Variants in BIRC3 observed in about 807,000 individuals in gnomAD.
The protein encoded by BIRC3 is baculoviral IAP repeat containing 3.
Under a neutral mutation model 59.0 loss-of-function variants are expected in BIRC3, and 26 were observed. The ratio of observed to expected loss-of-function variants is 0.44; its 90% CI spans 0.32 to 0.61. The LOEUF (loss-of-function observed/expected upper bound fraction) is 0.61, where lower values mean the gene tolerates loss of function less well. BIRC3 is among the 20% of genes least tolerant of loss of function. The pLI is 0.04. For synonymous variants in BIRC3, 243 were observed against 249.2 expected, an observed-to-expected ratio of 0.98 and a Z score of 0.24; for missense variants, 641 against 711.5, an observed-to-expected ratio of 0.90 and a Z score of 1.13.
In BIRC3 at chr11:102,337,785, C is replaced by G. The variant is rs1412696139; in HGVS notation, c.*683C>G. The G allele has an allele frequency of 1.3e-5, 3 of 236,002 alleles. No homozygotes were observed. In the East Asian group the frequency reaches 1.8e-4, roughly 14 times the overall value. The allele number at this position is 236,002 out of a possible 1,614,324, so 14.6% of individuals were successfully genotyped here. ...ATTGGATAGTTTAGTCACTCCCAGA[C>G]TCTTTCCATACCTTCTTAAAGCCTC... On this transcript the variant is annotated 3_prime_UTR_variant, in exon 9 of 9. Coordinates refer to ENST00000263464, the MANE Select transcript of BIRC3 (RefSeq NM_001165.5).
chr11:102,336,625 T>C (rs1417250022), intron 7 of BIRC3, 135 bp from the exon 8 acceptor site: 3 of 834,648 alleles, frequency 3.6e-6, no homozygotes, highest in Non-Finnish European at 5.6e-6. Context: ...ATTAGTTACA[T>C]AAAAAGATTA....
At chr11:102,335,377 A>T (rs553351217) in intron 6 of BIRC3, among the ~76,000 whole-genome samples, 34 of 152,208 alleles carry the variant, frequency 2.2e-4, no homozygotes, top group South Asian at 8.3e-4. Context: ...AATGGGTTCT[A>T]AGTTCCATTT....
chr11:102,318,485 C>T (rs942650452), intron 1 of BIRC3, among the ~76,000 whole-genome samples: 1 of 152,292 alleles, frequency 6.6e-6, no homozygotes, highest in South Asian at 2.1e-4. Context: ...CCCCATATAC[C>T]AAGCTCTGCA....
chr11:102,324,102 C>T lies in BIRC3; in HGVS notation c.-408C>T, dbSNP rs1951058413. Reference sequence around the variant, plus strand: ...CCATGAAAAGAAGCTTCATGAGTCACACATTACATCTTTGGGTTGATTGAA... The same window carrying T: ...CCATGAAAAGAAGCTTCATGAGTCATACATTACATCTTTGGGTTGATTGAA... On this transcript the variant is annotated 5_prime_UTR_variant, in exon 2 of 9. Coordinates refer to ENST00000263464, the MANE Select transcript of BIRC3 (RefSeq NM_001165.5). 4.5e-6 allele frequency: 1 copy of T among 220,050 alleles called. No individual in the cohort carries two copies. Among genetic ancestry groups the T allele is most frequent in the Non-Finnish European group, 9.1e-6 (1 of 109,992 alleles). 13.6% of individuals were successfully genotyped at this position (220,050 alleles called of 1,614,324 possible).
intron 5 of BIRC3, among the ~76,000 whole-genome samples, chr11:102,329,951 A>G (rs1310456436): frequency 6.6e-6 from 1 of 150,802 alleles, no homozygotes; most frequent in Non-Finnish European, 1.5e-5. Context: ...TAAAAAAAGG[A>G]AAAAAAGAAT....
intron 6 of BIRC3, among the ~76,000 whole-genome samples, chr11:102,331,555 G>A (rs1565324163): frequency 6.6e-6 from 1 of 151,164 alleles, no homozygotes. Context: ...TTAACGCTTT[G>A]AAAATGGAAT....
chr11:102,321,076 G>A (rs1178978754), intron 1 of BIRC3, among the ~76,000 whole-genome samples: 1 of 152,160 alleles, frequency 6.6e-6, no homozygotes, highest in Non-Finnish European at 1.5e-5. Context: ...AGAAAAAAAT[G>A]GATTTGGAAA....
chr11:102,335,145 G>T (rs577131583), intron 6 of BIRC3, among the ~76,000 whole-genome samples: 2 of 152,262 alleles, frequency 1.3e-5, no homozygotes, highest in Non-Finnish European at 2.9e-5. Context: ...AGGAGGCTCA[G>T]GCACAAAAAT....
Position 102,324,420 on chromosome 11 carries a change from C to A in BIRC3, c.-90C>A. The A allele has an allele frequency of 2.1e-6, 3 of 1,418,250 alleles. No individual in the cohort carries two copies. The highest frequency in any genetic ancestry group is 9.4e-7 in the Non-Finnish European group (1 of 1,066,700). 87.9% of individuals were successfully genotyped at this position (1,418,250 alleles called of 1,614,324 possible). ...AAAATTTTTCATTTTGGCTTTTCAG[C>A]CTAGTATTAAAACTGATAAAAGCAA... On this transcript the variant is annotated 5_prime_UTR_variant, in exon 2 of 9. Coordinates refer to ENST00000263464, the MANE Select transcript of BIRC3 (RefSeq NM_001165.5).
chr11:102,321,664 G>GT (rs1951032022), intron 1 of BIRC3, among the ~76,000 whole-genome samples, 173 bp from the exon 2 acceptor site: 1 of 152,264 alleles, frequency 6.6e-6, no homozygotes, highest in African/African-American at 2.4e-5. Context: ...AGAGGCCTCT[G>GT]TTTTTTATCT....
rs141682743 is a variant in BIRC3 at position 102,325,221 on chromosome 11, C to G, written c.712C>G (p.Gln238Glu). The change falls in exon 2 of 9, where the codon CAG (glutamine) becomes GAG (glutamate). Residue 238 changes from glutamine (Q) to glutamate (E), a missense_variant. Gln to Glu is a conservative substitution (Grantham distance 29, BLOSUM62 2). Around this residue, in one of 4 missense-constraint regions of BIRC3, gnomAD observed 329 missense variants for 365.6 expected, o/e 0.90. Coordinates refer to ENST00000263464, the MANE Select transcript of BIRC3 (RefSeq NM_001165.5). ...TCCCAAATGCCCATTTATAGAAAAT[C>G]AGCTTCAAGACACTTCAAGATACAC... ...HFPKCPFIEN[Q>E]LQDTSRYTVS... The G allele has an allele frequency of 8.2e-5, 132 of 1,613,916 alleles. No homozygotes were observed. The highest frequency in any genetic ancestry group is 1.0e-4 in the Non-Finnish European group (119 of 1,180,002).
Position 102,323,965 on chromosome 11 carries a change from G to T in BIRC3, c.-545G>T, listed in dbSNP as rs77049382. Reference sequence around the variant, plus strand: ...GTAATGTATTATTTTCCTCCTTTGAGTTAGGTCTTGTGCTTTTTTTTCCTG... The same window carrying T: ...GTAATGTATTATTTTCCTCCTTTGATTTAGGTCTTGTGCTTTTTTTTCCTG... On this transcript the variant is annotated 5_prime_UTR_variant, in exon 2 of 9. Transcript: ENST00000263464. The T allele has an allele frequency of 2.8e-4, 57 of 205,586 alleles. No individual in the cohort carries two copies. The highest frequency in any genetic ancestry group is 1.3e-3 in the African/African-American group (55 of 43,878). The allele number at this position is 205,586 out of a possible 1,614,324, so 12.7% of individuals were successfully genotyped here.
rs923662883 is a variant in BIRC3 at position 102,331,095 on chromosome 11, G to A, written c.1178G>A (p.Ser393Asn). 1 of 1,613,820 alleles carries A rather than the reference G, an allele frequency of 6.2e-7. No homozygotes were observed. The highest frequency in any genetic ancestry group is 8.5e-7 in the Non-Finnish European group (1 of 1,179,856). Residue 393 changes from serine (S) to asparagine (N), a missense_variant, in exon 6 of 9, where the codon AGC becomes AAC. Ser to Asn is a conservative substitution (Grantham distance 46). Around this residue, in one of 4 missense-constraint regions of BIRC3, gnomAD observed 268 missense variants for 255.7 expected, o/e 1.05. Transcript: ENST00000263464. ...GCCGTGGAAATGGGCTTTAGTAGAA[G>A]CCTGGTAAAACAGACAGTTCAGAGA... is the stretch of plus-strand genomic sequence containing the variant. Reference protein sequence around the residue: ...NAAVEMGFSRSLVKQTVQRKI... With the variant: ...NAAVEMGFSRNLVKQTVQRKI...
chr11:102,333,522 A>G (rs192623444), intron 6 of BIRC3, among the ~76,000 whole-genome samples: 4 of 151,894 alleles, frequency 2.6e-5, no homozygotes, highest in Admixed American at 2.6e-4. Context: ...AGCTATGATC[A>G]TATGCCACTG....
intron 1 of BIRC3, among the ~76,000 whole-genome samples, chr11:102,319,186 G>A (rs1951005502): frequency 6.6e-6 from 1 of 151,846 alleles, no homozygotes. Context: ...TGGGACTACA[G>A]GTGCATGCCA....
In BIRC3 at chr11:102,328,897, C is replaced by A; in HGVS notation, c.1033C>A (p.Leu345Met). 7.7e-7 allele frequency: 1 copy of A among 1,299,976 alleles called. No homozygotes were observed. Among genetic ancestry groups the A allele is most frequent in the Non-Finnish European group, 1.0e-6 (1 of 1,002,166 alleles). The allele number at this position is 1,299,976 out of a possible 1,614,324, so 80.5% of individuals were successfully genotyped here. A position where few individuals can be genotyped will look rare whatever the true frequency, so the allele number is the denominator to read the frequency against. The change falls in exon 5 of 9, where the codon CTG becomes ATG. Residue 345 changes from leucine (L) to methionine (M), a missense_variant and splice_region_variant. Physicochemically the swap from Leu to Met is conservative, Grantham distance 15 (BLOSUM62 2). Around this residue, in one of 4 missense-constraint regions of BIRC3, gnomAD observed 268 missense variants for 255.7 expected, o/e 1.05. Transcript: ENST00000263464. ...QASYPHLLEQ[L>M]LSTSDSPGDE... ...ATATATATATTTTTTTTTTCTGCAG[C>A]TGCTATCCACATCAGACAGCCCAGG...
chr11:102,330,606 A>G (rs1159067374), intron 5 of BIRC3, among the ~76,000 whole-genome samples: 1 of 152,224 alleles, frequency 6.6e-6, no homozygotes, highest in Non-Finnish European at 1.5e-5. Context: ...CAAGGAAGCA[A>G]TATTTTATAA....
chr11:102,324,675 T>C lies in BIRC3; in HGVS notation c.166T>C (p.Tyr56His). Reference protein sequence around the residue: ...SERSLARAGFYYTGVNDKVKC... With the variant: ...SERSLARAGFHYTGVNDKVKC... Reference sequence around the variant, plus strand: ...AAGGAGTCTTGCTCGTGCTGGTTTCTATTACACTGGTGTGAATGACAAGGT... The same window carrying C: ...AAGGAGTCTTGCTCGTGCTGGTTTCCATTACACTGGTGTGAATGACAAGGT... The change falls in exon 2 of 9, where the codon TAT (tyrosine) becomes CAT (histidine). Residue 56 changes from tyrosine to histidine, a missense_variant. By Grantham distance (83) the Tyr-to-His change is moderately conservative. Transcript: ENST00000263464. 6.2e-7 allele frequency: 1 copy of C among 1,614,224 alleles called. No homozygotes were observed.
chr11:102,319,437 G>C (rs574131244), intron 1 of BIRC3, among the ~76,000 whole-genome samples: 1 of 152,326 alleles, frequency 6.6e-6, no homozygotes, highest in African/African-American at 2.4e-5. Context: ...GAGAGTGACA[G>C]GAATGAGAGT....
Sources: gnomAD v4.1 joint callset for allele counts (sites outside exome capture counted in the v4.1 genomes callset) on GRCh38, gnomAD v4.1.1 for gene constraint, gnomAD v4.1.1 regional missense constraint, MANE v1.5 for transcripts, NCBI Gene and HGNC (gene_info 2026-07-23, HGNC 2026-07-21) for gene names.